RARB: variants seen among roughly 807,000 people sequenced by gnomAD.
RARB encodes retinoic acid receptor beta, also known as HBV-activated protein.
In RARB, 17 loss-of-function variants were observed where a neutral mutation model predicts 51.9. The ratio of observed to expected loss-of-function variants is 0.33; its 90% confidence interval spans 0.22 to 0.49. RARB has a LOEUF of 0.49. Among genes scored for constraint, RARB ranks in the 20% least tolerant of loss-of-function variants. The pLI is 0.99. For missense variants in RARB, 369 were observed against 550.8 expected, an observed-to-expected ratio of 0.67 and a Z score of 3.30; for synonymous variants, 215 against 195.4, an observed-to-expected ratio of 1.10 and a Z score of -0.84.
Position 25,597,315 on chromosome 3 carries a change from T to G in RARB, c.*699T>G, listed in dbSNP as rs1701881042. 1 of 152,620 alleles carries G rather than the reference T, an allele frequency of 6.6e-6. No individual in the cohort carries two copies. The highest frequency in any genetic ancestry group is 2.1e-4 in the South Asian group (1 of 4,832). The allele number at this position is 152,620 out of a possible 1,614,324, so 9.5% of individuals were successfully genotyped here. A position where few individuals can be genotyped will look rare whatever the true frequency, so the allele number is the denominator to read the frequency against. On this transcript the variant is annotated 3_prime_UTR_variant, in exon 8 of 8. Transcript: ENST00000330688. ...GAAGAGAATTCTGTATCAGTGTAAC[T>G]GCCAGTTCAGTTAATCAAATGTCAT... is the stretch of plus-strand genomic sequence containing the variant.
intron 5 of RARB, among the ~76,000 whole-genome samples, chr3:25,288,979 G>A (rs1185157616): frequency 1.3e-5 from 2 of 152,064 alleles, no homozygotes; most frequent in Non-Finnish European, 2.9e-5. Context: ...TTAATTTCTG[G>A]AACAGTACTC....
At chr3:25,205,374 G>C (rs891818321) in intron 5 of RARB, among the ~76,000 whole-genome samples, 2 of 152,054 alleles carry the variant, frequency 1.3e-5, no homozygotes, top group Non-Finnish European at 2.9e-5. Context: ...TGCACTTCCC[G>C]GGTGAGGCAA....
intron 5 of RARB, among the ~76,000 whole-genome samples, chr3:25,255,879 TTTA>T (rs1702852332): frequency 6.6e-6 from 1 of 152,164 alleles, no homozygotes; most frequent in South Asian, 2.1e-4. Context: ...TTTACGTCTG[TTTA>T]TTTATATTTA....
At chr3:25,411,733 C>A (rs1454858840) in intron 5 of RARB, among the ~76,000 whole-genome samples, 1 of 152,180 alleles carries the variant, frequency 6.6e-6, no homozygotes, top group African/African-American at 2.4e-5. Context: ...GGCTTGTGTG[C>A]CCCTTTGTCT....
At chr3:25,342,143 G>A (rs1307009458) in intron 5 of RARB, among the ~76,000 whole-genome samples, 1 of 152,160 alleles carries the variant, frequency 6.6e-6, no homozygotes, top group Non-Finnish European at 1.5e-5. Flanking sequence ...AGATACTCAA[G>A]TTGTTAAGCA....
chr3:25,281,389 C>T (rs921516839), intron 5 of RARB, among the ~76,000 whole-genome samples: 4 of 152,214 alleles, frequency 2.6e-5, no homozygotes, highest in African/African-American at 7.2e-5. Flanking sequence ...GTGAAGGCCA[C>T]TAGCTATGAC....
chr3:25,339,399 ACC>A (rs1705156115), intron 5 of RARB, among the ~76,000 whole-genome samples: 1 of 152,150 alleles, frequency 6.6e-6, no homozygotes, highest in South Asian at 2.1e-4. Context: ...CTGAGCTGTA[ACC>A]AATTCAACGC....
intron 3 of RARB, among the ~76,000 whole-genome samples, chr3:25,131,243 C>A (rs11129186): frequency 0.56 from 84,681 of 151,260 alleles, 23,909 homozygotes; most frequent in East Asian, 0.7. Flanking sequence ...GAGCCAAGGA[C>A]AACATGACTC....
chr3:25,271,048 C>T (rs80172646), intron 5 of RARB, among the ~76,000 whole-genome samples: 1 of 60,878 alleles, frequency 1.6e-5, no homozygotes, highest in Non-Finnish European at 5.0e-5. Flanking sequence ...TAGTGAAATA[C>T]AAATGATATT....
intron 2 of RARB, among the ~76,000 whole-genome samples, chr3:24,935,643 G>A (rs58790290): frequency 0.035 from 5,283 of 152,240 alleles, 239 homozygotes; most frequent in African/African-American, 0.099. Context: ...GACGTAGAAG[G>A]CACTGCCATA....
At chr3:25,397,946 A>G (rs1331778791) in intron 5 of RARB, among the ~76,000 whole-genome samples, 2 of 152,074 alleles carry the variant, frequency 1.3e-5, no homozygotes, top group African/African-American at 4.8e-5. Flanking sequence ...TTAACTGGTT[A>G]TAATTCTTAT....
At chr3:24,956,535 C>G (rs1365842631) in intron 2 of RARB, among the ~76,000 whole-genome samples, 1 of 152,136 alleles carries the variant, frequency 6.6e-6, no homozygotes, top group Non-Finnish European at 1.5e-5. Context: ...AAACCAGGAT[C>G]TGAAACCTGG....
At chr3:24,858,921 C>T (rs1033078842) in intron 2 of RARB, among the ~76,000 whole-genome samples, 1 of 151,394 alleles carries the variant, frequency 6.6e-6, no homozygotes, top group Non-Finnish European at 1.5e-5. Flanking sequence ...CCTGTAGTCC[C>T]AGCTACTCGG....
At chr3:25,540,890 A>G (rs1699350449) in intron 3 of RARB, among the ~76,000 whole-genome samples, 1 of 79,214 alleles carries the variant, frequency 1.3e-5, no homozygotes. Context: ...TTCCTCCTTA[A>G]TGGCTGTCAT....
intron 5 of RARB, among the ~76,000 whole-genome samples, chr3:25,267,324 C>A (rs756000718): frequency 6.6e-5 from 10 of 152,112 alleles, no homozygotes; most frequent in Non-Finnish European, 1.2e-4. Context: ...CAATGGAAAG[C>A]CTTTAAATGT....
At chr3:25,271,760 T>TA (rs144455269) in intron 5 of RARB, among the ~76,000 whole-genome samples, 3 of 152,322 alleles carry the variant, frequency 2.0e-5, no homozygotes, top group African/African-American at 7.2e-5. Context: ...TAAAGCACTT[T>TA]AAAAAAATCA....
chr3:25,574,596 T>C (rs911896786), intron 4 of RARB, among the ~76,000 whole-genome samples: 1 of 152,194 alleles, frequency 6.6e-6, no homozygotes, highest in Non-Finnish European at 1.5e-5. Flanking sequence ...TGCTCTGCCG[T>C]GTGCGGGCCG....
intron 5 of RARB, among the ~76,000 whole-genome samples, chr3:25,373,245 G>A (rs1031937463): frequency 1.3e-5 from 2 of 152,248 alleles, no homozygotes; most frequent in Admixed American, 6.5e-5. Flanking sequence ...TCATCAAGAT[G>A]AGTGAAGATG....
At chr3:25,546,435 A>C (rs1037038485) in intron 3 of RARB, among the ~76,000 whole-genome samples, 4 of 152,086 alleles carry the variant, frequency 2.6e-5, no homozygotes, top group African/African-American at 9.7e-5. Flanking sequence ...GGCCCTGGAG[A>C]GCAGGGAGCG....
Sources: allele counts gnomAD v4.1 joint callset (sites outside exome capture counted in the v4.1 genomes callset), GRCh38; gene constraint gnomAD v4.1.1; transcripts MANE v1.5; gene names NCBI Gene and HGNC (gene_info 2026-07-23, HGNC 2026-07-21).